The following TNRC6A variants were observed in gnomAD, a reference collection of about 807,000 sequenced individuals.
The protein encoded by TNRC6A is trinucleotide repeat containing adaptor 6A.
A neutral mutation model predicts 221.2 loss-of-function variants in TNRC6A; 44 were observed. That is an observed-to-expected ratio of 0.20 (90% CI 0.16 to 0.26). TNRC6A has a LOEUF of 0.26. Ranked by LOEUF, TNRC6A falls within the 10% of genes least tolerant of loss-of-function variation. The pLI is 1.00. For missense variants in TNRC6A, 2,199 were observed against 2,404.4 expected, an observed-to-expected ratio of 0.91 and a Z score of 1.79; for synonymous variants, 847 against 838.5, an observed-to-expected ratio of 1.01 and a Z score of -0.18.
intron 2 of TNRC6A, among the ~76,000 whole-genome samples, chr16:24,741,725 G>T (rs1485262906): frequency 6.6e-6 from 1 of 152,114 alleles, no homozygotes; most frequent in Non-Finnish European, 1.5e-5. Flanking sequence ...ATTTTCTACT[G>T]TATGCACTTC....
intron 8 of TNRC6A, 71 bp from the exon 9 acceptor site, chr16:24,795,836 G>T (rs1860095198): frequency 7.0e-7 from 1 of 1,428,828 alleles, no homozygotes; most frequent in Non-Finnish European, 9.4e-7. Flanking sequence ...TTAAGTTTAG[G>T]TCTTCCAGTT....
chr16:24,702,351 T>C (rs990649343), intron 2 of TNRC6A, among the ~76,000 whole-genome samples: 1 of 151,850 alleles, frequency 6.6e-6, no homozygotes, highest in African/African-American at 2.4e-5. Flanking sequence ...CTAATTTTTG[T>C]ATTTTTTGTA....
intron 18 of TNRC6A, among the ~76,000 whole-genome samples, chr16:24,812,019 ATTTTTTTTTTTTTTTTTTTTTTTTTTTTT>A (rs71156440): frequency 3.2e-4 from 13 of 40,854 alleles, no homozygotes; most frequent in East Asian, 1.2e-3. Context: ...TCACTTTGGG[ATTTTTTTTTTTTTTTTTTTTTTTTTTTTT>A]TTTTTTTTTT....
chr16:24,777,379 C>A (rs758953187), intron 5 of TNRC6A, 21 bp downstream of exon 5: 1 of 1,593,444 alleles, frequency 6.3e-7, no homozygotes, highest in Non-Finnish European at 8.5e-7. Context: ...GCATTTCTTA[C>A]GAGACTCACA....
At chr16:24,687,205 T>C (rs78013370) in intron 2 of TNRC6A, among the ~76,000 whole-genome samples, 1,689 of 152,310 alleles carry the variant, frequency 0.011, 22 homozygotes, top group East Asian at 0.065. Flanking sequence ...AGGCAGCATC[T>C]AGATAATTAG....
chr16:24,789,476 T>C lies in TNRC6A; in HGVS notation c.834T>C (p.Gly278=). 1.9e-6 allele frequency: 3 copies of C among 1,614,050 alleles called. No homozygotes were observed. The highest frequency in any genetic ancestry group is 2.5e-6 in the Non-Finnish European group (3 of 1,179,998). ...ITIMASGNTG[G]EKDGLRNSTG... ...TCATGGCTTCAGGGAACACAGGTGG[T>C]GAAAAAGATGGCCTTCGGAATAGCA... The change falls in exon 6 of 25, where the codon GGT becomes GGC. Residue 278 remains glycine, a synonymous_variant. Transcript: ENST00000395799.
At chr16:24,798,218 T>TA in intron 11 of TNRC6A, 1 of 303,102 alleles carries the variant, frequency 3.3e-6, no homozygotes, top group Non-Finnish European at 6.1e-6. Flanking sequence ...TTGGAGGGTA[T>TA]AGTCTTCTTG....
At position 24,814,992 on chromosome 16, in the gene TNRC6A, C is replaced by A. The variant is rs114088321; in HGVS notation, c.4673-155C>A. On this transcript the variant is annotated intron_variant, in intron 18 of 24. Coordinates refer to ENST00000395799, the MANE Select transcript of TNRC6A (RefSeq NM_014494.4). The stretch of plus-strand genomic sequence containing the variant: ...ATCATTTTCAGACATTCTTCAAATG[C>A]GATGTTAGAATCTCAATATAAAAGA... Among the ~76,000 whole-genome samples, 94 of 152,212 alleles carry A rather than the reference C, an allele frequency of 6.2e-4. 1 individual carries two copies. The highest frequency in any genetic ancestry group is 2.2e-3 in the African/African-American group (91 of 41,530).
intron 1 of TNRC6A, among the ~76,000 whole-genome samples, chr16:24,640,707 C>T (rs569384166): frequency 2.6e-5 from 3 of 117,082 alleles, no homozygotes; most frequent in South Asian, 2.5e-4. Flanking sequence ...CTGGCCTGGG[C>T]GACAAAAAAA....
intron 11 of TNRC6A, among the ~76,000 whole-genome samples, chr16:24,799,789 G>A (rs2058295755): frequency 6.6e-6 from 1 of 152,268 alleles, no homozygotes; most frequent in South Asian, 2.1e-4. Context: ...GCTGCTCTTG[G>A]TTCTTTAGCT....
chr16:24,666,062 C>A lies in TNRC6A; in HGVS notation n.402+25053C>A, dbSNP rs146565978. On this transcript the variant is annotated intron_variant and non_coding_transcript_variant, in intron 2 of 2. Transcript: ENST00000566108. Reference sequence around the variant, plus strand: ...AATAAGTGTGCCAGGAGCGGTGGATCACGCCTGTAATCTCAGCACTTTGGG... The same window carrying A: ...AATAAGTGTGCCAGGAGCGGTGGATAACGCCTGTAATCTCAGCACTTTGGG... Among the ~76,000 whole-genome samples the A allele has an allele frequency of 2.6e-3, 395 of 152,204 alleles. 3 individuals carry two copies. The highest frequency in any genetic ancestry group is 9.3e-3 in the African/African-American group (388 of 41,520).
intron 2 of TNRC6A, among the ~76,000 whole-genome samples, chr16:24,747,669 G>A (rs1444591908): frequency 6.6e-6 from 1 of 152,204 alleles, no homozygotes; most frequent in Non-Finnish European, 1.5e-5. Flanking sequence ...TCTGAAGGAG[G>A]AGATATGGGA....
chr16:24,704,467 T>A (rs1187240842), intron 2 of TNRC6A, among the ~76,000 whole-genome samples: 2 of 151,192 alleles, frequency 1.3e-5, no homozygotes, highest in Admixed American at 1.3e-4. Context: ...TCACCTGATG[T>A]CAGCCTGGCC....
At chr16:24,755,732 A>G (rs2057237063) in intron 3 of TNRC6A, among the ~76,000 whole-genome samples, 1 of 152,220 alleles carries the variant, frequency 6.6e-6, no homozygotes, top group African/African-American at 2.4e-5. Flanking sequence ...GTGCTCTGCC[A>G]CTGCACTGCT....
chr16:24,722,989 A>G (rs554351085), intron 2 of TNRC6A, among the ~76,000 whole-genome samples: 167 of 152,186 alleles, frequency 1.1e-3, no homozygotes, highest in Non-Finnish European at 1.8e-3. Context: ...ACTTGGGGGA[A>G]AACTGGGAAA....
intron 2 of TNRC6A, among the ~76,000 whole-genome samples, chr16:24,692,574 A>C (rs2055777758): frequency 6.6e-6 from 1 of 152,026 alleles, no homozygotes; most frequent in Admixed American, 6.6e-5. Flanking sequence ...CATCTCAAAA[A>C]GTAAAATAAA....
intron 4 of TNRC6A, among the ~76,000 whole-genome samples, chr16:24,766,666 CTTTTT>C (rs1331903665): frequency 7.0e-6 from 1 of 142,570 alleles, no homozygotes; most frequent in Non-Finnish European, 1.5e-5. Flanking sequence ...GTACTTTTTT[CTTTTT>C]ATCTTTTTTT....
At chr16:24,741,873 G>A (rs1418175719) in intron 2 of TNRC6A, among the ~76,000 whole-genome samples, 1 of 152,102 alleles carries the variant, frequency 6.6e-6, no homozygotes, top group Non-Finnish European at 1.5e-5. Context: ...GTCTTGCTCT[G>A]TTGCCTAGGC....
chr16:24,764,824 GA>G (rs2057437955), intron 4 of TNRC6A, among the ~76,000 whole-genome samples: 1 of 152,040 alleles, frequency 6.6e-6, no homozygotes, highest in South Asian at 2.1e-4. Context: ...GGATAGTACT[GA>G]ACCTCATATA....
Sources: gnomAD v4.1 joint callset for allele counts (sites outside exome capture counted in the v4.1 genomes callset) on GRCh38, gnomAD v4.1.1 for gene constraint, MANE v1.5 for transcripts, NCBI Gene and HGNC (gene_info 2026-07-23, HGNC 2026-07-21) for gene names.